LRRC20: variants seen among roughly 807,000 people sequenced by gnomAD.
LRRC20 encodes leucine-rich repeat-containing protein 20.
LRRC20 carries 11 observed loss-of-function variants against 14.4 expected under a neutral mutation model. The ratio of observed to expected loss-of-function variants is 0.77; its 90% CI spans 0.48 to 1.27. The LOEUF (loss-of-function observed/expected upper bound fraction) is 1.27. Among genes scored for constraint, LRRC20 ranks in the 50% most tolerant of loss-of-function variants. LRRC20 has a pLI of 0.00. For missense variants in LRRC20, 219 were observed against 251.2 expected (o/e 0.87, Z 0.87); for synonymous variants, 121 against 107.3 (o/e 1.13, Z -0.79).
chr10:70,331,597 C>G (rs1219380042), intron 3 of LRRC20, among the ~76,000 whole-genome samples: 1 of 152,216 alleles, frequency 6.6e-6, no homozygotes, highest in East Asian at 1.9e-4. Flanking sequence ...TTACTGCCCC[C>G]TCTTCTGGAC....
In LRRC20 at chr10:70,359,919, C is replaced by CT. The variant is rs542983316; in HGVS notation, c.82+16532dup. Among the ~76,000 whole-genome samples the CT allele has an allele frequency of 3.0e-3, 423 of 141,604 alleles. 2 individuals are homozygous for CT. The highest frequency in any genetic ancestry group is 5.1e-3 in the East Asian group (25 of 4,894). The allele number at this position is 141,604 out of a possible 152,430, so 92.9% of individuals were successfully genotyped here. A position where few individuals can be genotyped will look rare whatever the true frequency, so the allele number is the denominator to read the frequency against. ...GTTCCACTGCATTTTTTTTCTTTTT[C>CT]TTTTTTTTTTTTTTTGAGGTGGAGT... On this transcript the variant is annotated intron_variant, in intron 2 of 4. Transcript: ENST00000446961.
intron 2 of LRRC20, among the ~76,000 whole-genome samples, chr10:70,354,336 C>A (rs1325721865): frequency 6.6e-6 from 1 of 152,144 alleles, no homozygotes; most frequent in Non-Finnish European, 1.5e-5. Context: ...CGTGCAGATT[C>A]TGATGCCACA....
At chr10:70,333,051 A>G (rs7912004) in intron 3 of LRRC20, among the ~76,000 whole-genome samples, 83,180 of 152,122 alleles carry the variant, frequency 0.55, 22,886 homozygotes, top group African/African-American at 0.59. Flanking sequence ...GGGTAAGAAG[A>G]GCAGAGGCAG....
chr10:70,303,241 T>C (rs1388316963), intron 4 of LRRC20, among the ~76,000 whole-genome samples: 2 of 152,180 alleles, frequency 1.3e-5, no homozygotes, highest in African/African-American at 4.8e-5. Flanking sequence ...TGGAAATTCT[T>C]CTTAACTATG....
At chr10:70,375,405 G>A (rs1196100641) in intron 2 of LRRC20, among the ~76,000 whole-genome samples, 2 of 152,204 alleles carry the variant, frequency 1.3e-5, no homozygotes, top group Admixed American at 6.5e-5. Flanking sequence ...GATGAGGGAA[G>A]GCGGAGGGCT....
At chr10:70,318,972 A>G (rs1841977342) in intron 4 of LRRC20, among the ~76,000 whole-genome samples, 1 of 151,580 alleles carries the variant, frequency 6.6e-6, no homozygotes, top group Non-Finnish European at 1.5e-5. Context: ...ACACCCGGCT[A>G]ATTTTTGTAC....
At position 70,300,090 on chromosome 10, in the gene LRRC20, T is replaced by C. The variant is rs902455119; in HGVS notation, c.*1264A>G. Reference sequence around the variant, plus strand: ...CTGGGGCCTCAGGTGTCTCTGGAGATGCAAACAAAGATGCAGATCAGGTGG... The same window carrying C: ...CTGGGGCCTCAGGTGTCTCTGGAGACGCAAACAAAGATGCAGATCAGGTGG... On this transcript the variant is annotated 3_prime_UTR_variant, in exon 5 of 5. Transcript: ENST00000446961. 6.6e-6 allele frequency: 1 copy of C among 152,584 alleles called. No individual in the cohort carries two copies. The highest frequency in any genetic ancestry group is 2.4e-5 in the African/African-American group (1 of 41,410). The allele number at this position is 152,584 out of a possible 1,614,324, so 9.5% of individuals were successfully genotyped here. A position where few individuals can be genotyped will look rare whatever the true frequency, so the allele number is the denominator to read the frequency against.
At position 70,334,181 on chromosome 10, in the gene LRRC20, A is replaced by G. The variant is rs560173576; in HGVS notation, c.232+6372T>C. ...AAAAAAAAGAAAATGTGTTTCTGAC[A>G]GAGTAGATCTGCCTGATCCCATGCT... On this transcript the variant is annotated intron_variant, in intron 3 of 4. Transcript: ENST00000446961. 2.5e-4 allele frequency among the ~76,000 whole-genome samples: 38 copies of G among 151,660 alleles called. No individual in the cohort carries two copies. In the South Asian group the frequency reaches 7.7e-3, roughly 31 times the overall value.
At chr10:70,380,008 G>A (rs1340649833) in intron 1 of LRRC20, among the ~76,000 whole-genome samples, 4 of 152,144 alleles carry the variant, frequency 2.6e-5, no homozygotes, top group African/African-American at 4.8e-5. Flanking sequence ...GAGTTCAGGC[G>A]GTAATGCTTA....
intron 2 of LRRC20, among the ~76,000 whole-genome samples, chr10:70,359,919 C>CTTTTTTT (rs542983316): frequency 2.1e-5 from 3 of 141,616 alleles, no homozygotes; most frequent in African/African-American, 7.8e-5. Context: ...TTTTCTTTTT[C>CTTTTTTT]TTTTTTTTTT....
At chr10:70,302,475 A>G (rs938739009) in intron 4 of LRRC20, among the ~76,000 whole-genome samples, 2 of 152,204 alleles carry the variant, frequency 1.3e-5, no homozygotes, top group African/African-American at 4.8e-5. Context: ...GTAGGGATTT[A>G]TTGCTTAATA....
intron 3 of LRRC20, among the ~76,000 whole-genome samples, chr10:70,332,966 G>A (rs1490218245): frequency 2.6e-5 from 4 of 152,170 alleles, no homozygotes; most frequent in East Asian, 1.9e-4. Context: ...AATAGGATAC[G>A]TTTTTCAAAT....
chr10:70,364,503 G>A (rs574197696), intron 2 of LRRC20, among the ~76,000 whole-genome samples: 1 of 152,232 alleles, frequency 6.6e-6, no homozygotes, highest in Non-Finnish European at 1.5e-5. Flanking sequence ...AGTGTTTCCT[G>A]AGTACTCTTG....
chr10:70,357,661 A>G (rs558464441), intron 2 of LRRC20, among the ~76,000 whole-genome samples: 1 of 152,346 alleles, frequency 6.6e-6, no homozygotes, highest in Admixed American at 6.5e-5. Flanking sequence ...TTCCAAAAAA[A>G]ACCCTCCTTC....
chr10:70,370,320 C>A (rs950091963), intron 2 of LRRC20, among the ~76,000 whole-genome samples: 2 of 152,134 alleles, frequency 1.3e-5, no homozygotes, highest in Non-Finnish European at 2.9e-5. Context: ...GCCCTGCGAC[C>A]CAGGATTACA....
At chr10:70,379,926 C>T (rs1204164714) in intron 1 of LRRC20, among the ~76,000 whole-genome samples, 1 of 152,188 alleles carries the variant, frequency 6.6e-6, no homozygotes, top group Non-Finnish European at 1.5e-5. Flanking sequence ...CTAGATCCAT[C>T]GCATTCGCAG....
At chr10:70,370,461 C>G (rs1320770203) in intron 2 of LRRC20, among the ~76,000 whole-genome samples, 1 of 152,116 alleles carries the variant, frequency 6.6e-6, no homozygotes, top group Non-Finnish European at 1.5e-5. Flanking sequence ...TGTCCTGTTA[C>G]AGAAAAAGCA....
rs369214359 is a variant in LRRC20, at chr10:70,331,155, A to G, written c.233-7125T>C. On this transcript the variant is annotated intron_variant, in intron 3 of 4. Transcript: ENST00000446961. The stretch of plus-strand genomic sequence containing the variant: ...CATCATCCTGACTACTTGGCCAGAG[A>G]CCTCTCTTGTCTACAACTAAGCCCC... Among the ~76,000 whole-genome samples, 11 of 152,216 alleles carry G rather than the reference A, an allele frequency of 7.2e-5. No individual in the cohort carries two copies. In the South Asian group the frequency reaches 2.3e-3, roughly 32 times the overall value.
chr10:70,340,774 C>A (rs1364449579), intron 2 of LRRC20, 72 bp from the exon 3 acceptor site: 3 of 1,519,306 alleles, frequency 2.0e-6, no homozygotes, highest in Admixed American at 1.8e-5. Context: ...CAGACTCACA[C>A]AGACCCCACC....
Sources: allele counts gnomAD v4.1 joint callset (sites outside exome capture counted in the v4.1 genomes callset), GRCh38; gene constraint gnomAD v4.1.1; transcripts MANE v1.5; gene names NCBI Gene and HGNC (gene_info 2026-07-23, HGNC 2026-07-21).